The following ARFGEF3 variants were observed in gnomAD, a reference collection of about 807,000 sequenced individuals.
ARFGEF3 encodes the protein brefeldin A-inhibited guanine nucleotide-exchange protein 3.
Under a neutral mutation model 221.7 loss-of-function variants are expected in ARFGEF3, and 96 were observed. That is an observed-to-expected ratio of 0.43 (90% confidence interval 0.37 to 0.51). The LOEUF (loss-of-function observed/expected upper bound fraction) is 0.51. Among genes scored for constraint, ARFGEF3 ranks in the 20% least tolerant of loss-of-function variants. The pLI is 0.00. For missense variants in ARFGEF3, 2,410 were observed against 2,789.9 expected (o/e 0.86, Z 3.07); for synonymous variants, 1,145 against 1,126.8 (o/e 1.02, Z -0.32).
intron 26 of ARFGEF3, among the ~76,000 whole-genome samples, chr6:138,316,697 A>G (rs1363999721): frequency 2.0e-5 from 3 of 152,230 alleles, no homozygotes; most frequent in Non-Finnish European, 4.4e-5. Context: ...TTTATAGTAC[A>G]TTAGAGGTAC....
At chr6:138,267,824 T>G (rs1409715134) in intron 12 of ARFGEF3, among the ~76,000 whole-genome samples, 1 of 152,250 alleles carries the variant, frequency 6.6e-6, no homozygotes, top group African/African-American at 2.4e-5. Context: ...ACATGTTTTA[T>G]GAAATTATTT....
At chr6:138,290,532 G>A (rs1416105853) in intron 18 of ARFGEF3, among the ~76,000 whole-genome samples, 1 of 152,230 alleles carries the variant, frequency 6.6e-6, no homozygotes, top group African/African-American at 2.4e-5. Flanking sequence ...CTCCCAGTGA[G>A]TTATATAGTG....
intron 18 of ARFGEF3, among the ~76,000 whole-genome samples, chr6:138,290,202 G>T (rs914592952): frequency 2.6e-5 from 4 of 152,224 alleles, no homozygotes; most frequent in African/African-American, 9.6e-5. Context: ...CTGAGGAATT[G>T]TGACTTTTCT....
chr6:138,294,250 A>G, intron 20 of ARFGEF3, 124 bp downstream of exon 20: 1 of 1,014,876 alleles, frequency 9.9e-7, no homozygotes, highest in Non-Finnish European at 1.4e-6. Context: ...CACACAAGCT[A>G]AGCCCAAGTA....
intron 2 of ARFGEF3, among the ~76,000 whole-genome samples, chr6:138,192,510 C>G (rs1274437272): frequency 4.1e-5 from 6 of 146,924 alleles, no homozygotes; most frequent in Admixed American, 4.0e-4. Flanking sequence ...ACCAAACAAA[C>G]TCAGCTATGA....
chr6:138,243,033 A>G, intron 7 of ARFGEF3, 39 bp downstream of exon 7: 1 of 1,544,666 alleles, frequency 6.5e-7, no homozygotes, highest in Non-Finnish European at 8.9e-7. Flanking sequence ...TTTTTAAAGC[A>G]GGTGTGAGAA....
At chr6:138,332,753 T>C (rs1780250365) in intron 32 of ARFGEF3, among the ~76,000 whole-genome samples, 1 of 152,200 alleles carries the variant, frequency 6.6e-6, no homozygotes, top group African/African-American at 2.4e-5. Flanking sequence ...AAAGTTAAAG[T>C]AGTAACTTTT....
intron 5 of ARFGEF3, among the ~76,000 whole-genome samples, chr6:138,237,589 TG>T (rs1778311242): frequency 6.6e-6 from 1 of 152,226 alleles, no homozygotes; most frequent in African/African-American, 2.4e-5. Context: ...ACATGGAGAC[TG>T]GTAAGACCCA....
intron 19 of ARFGEF3, among the ~76,000 whole-genome samples, chr6:138,292,704 G>A (rs1779435161): frequency 1.3e-5 from 2 of 151,812 alleles, no homozygotes; most frequent in South Asian, 2.1e-4. Context: ...ACAGGAGTGG[G>A]AGGAGCACTC....
chr6:138,248,798 C>T (rs1435792957), intron 8 of ARFGEF3, among the ~76,000 whole-genome samples: 2 of 152,064 alleles, frequency 1.3e-5, no homozygotes, highest in East Asian at 3.9e-4. Context: ...GCACTCCAGC[C>T]TAGGCAACAA....
At chr6:138,253,859 G>A in intron 8 of ARFGEF3, 21 bp from the exon 9 acceptor site, 2 of 1,544,306 alleles carry the variant, frequency 1.3e-6, no homozygotes, top group South Asian at 2.4e-5. Context: ...CTGCATTTGT[G>A]TCGGTTCTGC....
intron 2 of ARFGEF3, among the ~76,000 whole-genome samples, chr6:138,203,213 C>G (rs1021461230): frequency 6.6e-6 from 1 of 151,976 alleles, no homozygotes; most frequent in African/African-American, 2.4e-5. Context: ...CACATCTATT[C>G]TAGTTTTGCT....
chr6:138,315,534 G>A (rs185391301), intron 26 of ARFGEF3, among the ~76,000 whole-genome samples: 1 of 152,026 alleles, frequency 6.6e-6, no homozygotes. Flanking sequence ...TAAAATTTTC[G>A]ATGGAGATGA....
chr6:138,304,423 T>C (rs1425195807), intron 22 of ARFGEF3, among the ~76,000 whole-genome samples: 1 of 152,154 alleles, frequency 6.6e-6, no homozygotes, highest in African/African-American at 2.4e-5. Flanking sequence ...AATTAGATTG[T>C]GGTGATGTTT....
chr6:138,311,535 C>T, intron 25 of ARFGEF3, 25 bp downstream of exon 25: 1 of 1,525,750 alleles, frequency 6.6e-7, no homozygotes, highest in Non-Finnish European at 8.9e-7. Context: ...CAGCTGGGCT[C>T]CCGGCCTGGA....
chr6:138,221,146 A>G (rs893144304), intron 4 of ARFGEF3, among the ~76,000 whole-genome samples: 1 of 151,972 alleles, frequency 6.6e-6, no homozygotes, highest in Non-Finnish European at 1.5e-5. Flanking sequence ...AAGGTCTTTC[A>G]TTTTCTAGCA....
intron 6 of ARFGEF3, among the ~76,000 whole-genome samples, chr6:138,239,277 T>C (rs560667051): frequency 6.6e-6 from 1 of 152,328 alleles, no homozygotes; most frequent in East Asian, 1.9e-4. Flanking sequence ...TCTGCCTCTG[T>C]CATAATTTAG....
chr6:138,287,078 T>G lies in ARFGEF3; in HGVS notation c.2790T>G (p.Val930=). 1 of 1,569,912 alleles carries G rather than the reference T, an allele frequency of 6.4e-7. No homozygotes were observed. The highest frequency in any genetic ancestry group is 8.6e-7 in the Non-Finnish European group (1 of 1,157,006). ...CATTGTGTGTCTCCTCTGAAGGCGT[T>G]GCTGCTAACTGCGCCTCAGCCCTTG... The part of the protein sequence containing the change: ...KAARLSCALG[V]AANCASALAQ... Residue 930 remains valine (V), a synonymous_variant, in exon 17 of 34, where the codon GTT becomes GTG. Coordinates refer to ENST00000251691, the MANE Select transcript of ARFGEF3 (RefSeq NM_020340.5).
At chr6:138,289,023 G>T (rs550529352) in intron 17 of ARFGEF3, among the ~76,000 whole-genome samples, 1 of 152,100 alleles carries the variant, frequency 6.6e-6, no homozygotes, top group Admixed American at 6.5e-5. Flanking sequence ...GCACCATCTC[G>T]GCTTACTGCA....
Sources: allele counts gnomAD v4.1 joint callset (sites outside exome capture counted in the v4.1 genomes callset), GRCh38; gene constraint gnomAD v4.1.1; transcripts MANE v1.5; gene names NCBI Gene and HGNC (gene_info 2026-07-23, HGNC 2026-07-21).